The following LDLRAD4 variants were observed in gnomAD, a reference collection of about 807,000 sequenced individuals.
LDLRAD4 encodes low-density lipoprotein receptor class A domain-containing protein 4.
LDLRAD4 carries 5 observed loss-of-function variants against 17.0 expected under a neutral mutation model. That is an observed-to-expected ratio of 0.29 (90% CI 0.15 to 0.62). The LOEUF is 0.62. LDLRAD4 is among the 20% of genes least tolerant of loss of function. The pLI, the probability that LDLRAD4 is intolerant of heterozygous loss-of-function variation, is 0.84. For synonymous variants in LDLRAD4, 168 were observed against 171.8 expected (o/e 0.98, Z 0.17); for missense variants, 340 against 424.7 (o/e 0.80, Z 1.75).
At chr18:13,271,444 C>T in intron 1 of LDLRAD4, among the ~76,000 whole-genome samples, 1 of 152,178 alleles carries the variant, frequency 6.6e-6, no homozygotes, top group East Asian at 1.9e-4. Flanking sequence ...AGCGCACTTT[C>T]TGGGTACTTA....
intron 1 of LDLRAD4, among the ~76,000 whole-genome samples, chr18:13,332,247 A>T (rs1256129014): frequency 6.6e-6 from 1 of 152,196 alleles, no homozygotes; most frequent in Non-Finnish European, 1.5e-5. Context: ...TGAATTTTTT[A>T]AAAGTATTTT....
At chr18:13,391,182 G>T (rs1029553898) in intron 2 of LDLRAD4, among the ~76,000 whole-genome samples, 1 of 152,212 alleles carries the variant, frequency 6.6e-6, no homozygotes, top group African/African-American at 2.4e-5. Context: ...TTTAGGGCCA[G>T]GCAAACATCA....
chr18:13,545,359 A>G (rs1027193536), intron 3 of LDLRAD4, among the ~76,000 whole-genome samples: 2 of 152,218 alleles, frequency 1.3e-5, no homozygotes, highest in African/African-American at 4.8e-5. Flanking sequence ...TGTCCAAGTT[A>G]TATATCAACG....
intron 2 of LDLRAD4, among the ~76,000 whole-genome samples, chr18:13,423,904 G>A (rs1403618589): frequency 6.6e-6 from 1 of 152,182 alleles, no homozygotes; most frequent in East Asian, 1.9e-4. Context: ...GGAGACGAAG[G>A]CAGGTGGATC....
intron 3 of LDLRAD4, among the ~76,000 whole-genome samples, chr18:13,597,506 T>TTCTCTCTCTCTCTC (rs58235384): frequency 2.0e-5 from 3 of 148,056 alleles, no homozygotes; most frequent in African/African-American, 7.5e-5. Context: ...TTCTGCTCAT[T>TTCTCTCTCTCTCTC]TCTCTCTCTC....
At chr18:13,527,815 A>G (rs985927919) in intron 3 of LDLRAD4, among the ~76,000 whole-genome samples, 2 of 152,166 alleles carry the variant, frequency 1.3e-5, no homozygotes, top group Non-Finnish European at 2.9e-5. Context: ...GGAGGCCACC[A>G]TGGCCTTCAC....
At chr18:13,247,948 GC>G (rs200134014) in intron 1 of LDLRAD4, among the ~76,000 whole-genome samples, 1 of 29,256 alleles carries the variant, frequency 3.4e-5, no homozygotes, top group Non-Finnish European at 7.8e-5. Context: ...TGCACACAGC[GC>G]CGCCCCCCGC....
chr18:13,452,307 C>T (rs982104619), intron 3 of LDLRAD4, among the ~76,000 whole-genome samples: 1 of 152,120 alleles, frequency 6.6e-6, no homozygotes, highest in Non-Finnish European at 1.5e-5. Flanking sequence ...AGCGGCGGCT[C>T]CTGGCCACCC....
chr18:13,611,487 G>A (rs2148716003), intron 3 of LDLRAD4: 10 of 985,260 alleles, frequency 1.0e-5, no homozygotes, highest in Non-Finnish European at 1.2e-5. Flanking sequence ...GCATCCGAAT[G>A]CACGGGAGAT....
chr18:13,482,546 T>C (rs565786696), intron 3 of LDLRAD4, among the ~76,000 whole-genome samples: 2 of 152,232 alleles, frequency 1.3e-5, no homozygotes, highest in East Asian at 1.9e-4. Context: ...AAAGTGAAAA[T>C]TGAGGCCAAT....
chr18:13,391,798 A>G (rs1467401127), intron 2 of LDLRAD4, among the ~76,000 whole-genome samples: 3 of 152,222 alleles, frequency 2.0e-5, no homozygotes, highest in Non-Finnish European at 4.4e-5. Context: ...CTGTGTTCAT[A>G]ATAGTATTTA....
chr18:13,298,015 A>C (rs966835988), intron 1 of LDLRAD4, among the ~76,000 whole-genome samples: 2 of 152,240 alleles, frequency 1.3e-5, no homozygotes, highest in African/African-American at 2.4e-5. Context: ...AGCCTGGGTA[A>C]GACATGGACA....
chr18:13,645,143 G>A lies in LDLRAD4; in HGVS notation c.407G>A (p.Arg136Gln), dbSNP rs201156970. The A allele has an allele frequency of 2.0e-5, 33 of 1,609,856 alleles. No homozygotes were observed. The highest frequency in any genetic ancestry group is 1.5e-4 in the Admixed American group (9 of 59,876). ...TCCTTCCAGATCATGCATGCCCCGC[G>A]GTCCAGGGACAGGTTCACAGCGCCG... Residue 136 changes from arginine to glutamine, a missense_variant, in exon 6 of 6, where the codon CGG (arginine) becomes CAG (glutamine). Physicochemically the swap from Arg to Gln is conservative, Grantham distance 43. Coordinates refer to ENST00000359446, the Ensembl canonical transcript of LDLRAD4. This position sits in a 1 kb window ranked among gnomAD's most constrained non-coding sequence, Gnocchi z 5.7.
chr18:13,245,095 G>A (rs1462543533), intron 1 of LDLRAD4, among the ~76,000 whole-genome samples: 1 of 152,166 alleles, frequency 6.6e-6, no homozygotes, highest in East Asian at 1.9e-4. Context: ...CCCTAAGTGG[G>A]AGCTGTGCCT....
In LDLRAD4 at chr18:13,313,475, G is replaced by A. The variant is rs777316999; in HGVS notation, c.-383+35287G>A. 8.5e-5 allele frequency among the ~76,000 whole-genome samples: 13 copies of A among 152,194 alleles called. No individual in the cohort carries two copies. In the East Asian group the frequency reaches 9.6e-4, roughly 11 times the overall value. On this transcript the variant is annotated intron_variant, in intron 1 of 5. Transcript: ENST00000359446. ...GAACACTTCTTCCTGTTGCAAGAGC[G>A]TGCAAGCTTGAGTCGTTTTTATCTC...
intron 1 of LDLRAD4, among the ~76,000 whole-genome samples, chr18:13,226,974 C>G (rs1567908385): frequency 6.6e-6 from 1 of 152,132 alleles, no homozygotes; most frequent in Non-Finnish European, 1.5e-5. Context: ...CCCACCATAC[C>G]TTGTTCAGTC....
chr18:13,612,460 T>C lies in LDLRAD4; in HGVS notation c.182-8657T>C. On this transcript the variant is annotated intron_variant, in intron 3 of 5. Transcript: ENST00000359446. Reference sequence around the variant, plus strand: ...GATAATTGGTAGCCACAGTCTGCGGTCGGAGCCACAGCATTTGAGTCTAGC... The same window carrying C: ...GATAATTGGTAGCCACAGTCTGCGGCCGGAGCCACAGCATTTGAGTCTAGC... 3 of 1,295,828 alleles carry C rather than the reference T, an allele frequency of 2.3e-6. No individual in the cohort carries two copies. The South Asian group carries it at 6.6e-5, about 29-fold the overall frequency. 80.3% of individuals were successfully genotyped at this position (1,295,828 alleles called of 1,614,324 possible).
chr18:13,268,419 A>T (rs2044343480), intron 1 of LDLRAD4, among the ~76,000 whole-genome samples: 1 of 152,140 alleles, frequency 6.6e-6, no homozygotes, highest in African/African-American at 2.4e-5. Flanking sequence ...AGGAAGGGAG[A>T]TCTCTTAGGG....
At chr18:13,345,111 A>G (rs2082605436) in intron 1 of LDLRAD4, among the ~76,000 whole-genome samples, 1 of 152,146 alleles carries the variant, frequency 6.6e-6, no homozygotes, top group Admixed American at 6.5e-5. Context: ...AGAACTTCCA[A>G]CACTATGTTG....
Sources: gnomAD v4.1 joint callset for allele counts (sites outside exome capture counted in the v4.1 genomes callset) on GRCh38, gnomAD v4.1.1 for gene constraint, Gnocchi (gnomAD v3.1) non-coding constraint, MANE v1.5 for transcripts, NCBI Gene and HGNC (gene_info 2026-07-23, HGNC 2026-07-21) for gene names.